Variants in MGAT4C observed in about 807,000 individuals in gnomAD.
MGAT4C encodes alpha-1,3-mannosyl-glycoprotein 4-beta-N-acetylglucosaminyltransferase C.
Under a neutral mutation model 40.1 loss-of-function variants are expected in MGAT4C, and 19 were observed. The ratio of observed to expected loss-of-function variants is 0.47; its 90% CI spans 0.33 to 0.70. The LOEUF is 0.70. MGAT4C is among the 30% of genes least tolerant of loss of function. The pLI, the probability that MGAT4C is intolerant of heterozygous loss-of-function variation, is 0.02. For missense variants in MGAT4C, 491 were observed against 563.2 expected (o/e 0.87, Z 1.30); for synonymous variants, 181 against 187.1 (o/e 0.97, Z 0.27).
chr12:86,181,983 T>C (rs1888180812), intron 1 of MGAT4C, among the ~76,000 whole-genome samples: 1 of 152,150 alleles, frequency 6.6e-6, no homozygotes, highest in Non-Finnish European at 1.5e-5. Context: ...TTAGAATATT[T>C]TTTAAATGCT....
At chr12:86,411,080 T>C (rs1017904708) in intron 3 of MGAT4C, among the ~76,000 whole-genome samples, 1 of 152,168 alleles carries the variant, frequency 6.6e-6, no homozygotes, top group Admixed American at 6.5e-5. Context: ...ACTTCTTTTA[T>C]TTATAAATTA....
At chr12:86,104,269 A>G (rs1159242224) in intron 1 of MGAT4C, among the ~76,000 whole-genome samples, 2 of 151,914 alleles carry the variant, frequency 1.3e-5, no homozygotes, top group South Asian at 2.1e-4. Flanking sequence ...TTAAAAAAAA[A>G]AAAAAAGAAA....
intron 2 of MGAT4C, among the ~76,000 whole-genome samples, chr12:85,993,874 C>A (rs113837649): frequency 6.6e-6 from 1 of 152,164 alleles, no homozygotes; most frequent in Non-Finnish European, 1.5e-5. Context: ...GTCTAGACAG[C>A]AGGAGGAGGC....
intron 2 of MGAT4C, among the ~76,000 whole-genome samples, chr12:86,677,211 A>T (rs1326461072): frequency 6.6e-6 from 1 of 152,180 alleles, no homozygotes. Flanking sequence ...TTCCTGAATT[A>T]AGTAAAATGT....
chr12:86,537,897 G>A (rs1305095091), intron 2 of MGAT4C, among the ~76,000 whole-genome samples: 1 of 152,030 alleles, frequency 6.6e-6, no homozygotes, highest in Non-Finnish European at 1.5e-5. Flanking sequence ...GACCAGGCTG[G>A]CCAACATGGC....
Position 86,832,072 on chromosome 12 carries a change from C to G in MGAT4C, c.-262+6594G>C, listed in dbSNP as rs1406555980. Among the ~76,000 whole-genome samples, 31 of 151,712 alleles carry G rather than the reference C, an allele frequency of 2.0e-4. No individual in the cohort carries two copies. In the Admixed American group the frequency reaches 2.0e-3, roughly 10 times the overall value. ...ATTCAAATTTGGCAATAAAATATAA[C>G]TCAGTTCTACAAAAAATACTGTAGG... is the stretch of plus-strand genomic sequence containing the variant. On this transcript the variant is annotated intron_variant, in intron 1 of 7. Coordinates refer to the MGAT4C transcript ENST00000548651.
chr12:86,388,675 GTTTTTTTTT>G (rs752469980), intron 3 of MGAT4C, among the ~76,000 whole-genome samples: 1 of 98,752 alleles, frequency 1.0e-5, no homozygotes, highest in East Asian at 3.1e-4. Context: ...AGCGTTTTTT[GTTTTTTTTT>G]TTTTTTTTTT....
intron 2 of MGAT4C, among the ~76,000 whole-genome samples, chr12:86,555,725 A>G (rs1279682114): frequency 6.6e-6 from 1 of 152,224 alleles, no homozygotes; most frequent in East Asian, 1.9e-4. Context: ...TGCTTAATGC[A>G]GAGCGCCCTT....
chr12:86,679,067 G>T (rs367808596), intron 2 of MGAT4C, among the ~76,000 whole-genome samples: 5,550 of 151,334 alleles, frequency 0.037, 141 homozygotes, highest in Non-Finnish European at 0.045. Context: ...GTGTTCCTAT[G>T]TCTCCACATC....
intron 1 of MGAT4C, among the ~76,000 whole-genome samples, chr12:86,767,624 A>G (rs551123994): frequency 6.6e-6 from 1 of 152,338 alleles, no homozygotes; most frequent in Admixed American, 6.5e-5. Flanking sequence ...TCTATAAAAT[A>G]CTGGCAAACC....
At chr12:86,513,277 A>G (rs901111662) in intron 2 of MGAT4C, among the ~76,000 whole-genome samples, 1 of 152,172 alleles carries the variant, frequency 6.6e-6, no homozygotes, top group Non-Finnish European at 1.5e-5. Context: ...AGCAACAAAT[A>G]GTTACTATCC....
upstream of MGAT4C, among the ~76,000 whole-genome samples, chr12:86,259,648 A>G (rs960302652): frequency 2.7e-5 from 4 of 149,314 alleles, no homozygotes; most frequent in African/African-American, 9.9e-5. Flanking sequence ...CATTCCTCCA[A>G]CTAAAATGGC....
intron 2 of MGAT4C, among the ~76,000 whole-genome samples, chr12:86,450,316 T>C (rs190128368): frequency 6.6e-6 from 1 of 152,284 alleles, no homozygotes; most frequent in African/African-American, 2.4e-5. Flanking sequence ...ATAGATTTGT[T>C]AGTGAAGTGC....
intron 1 of MGAT4C, among the ~76,000 whole-genome samples, chr12:86,109,163 C>T (rs569890466): frequency 9.9e-5 from 15 of 152,014 alleles, no homozygotes; most frequent in Non-Finnish European, 1.9e-4. Context: ...ATCAAATATC[C>T]TTCAAAAAAT....
chr12:86,431,854 C>T (rs1957045660), intron 3 of MGAT4C, among the ~76,000 whole-genome samples: 1 of 152,102 alleles, frequency 6.6e-6, no homozygotes, highest in Admixed American at 6.6e-5. Context: ...TCAAGGAATG[C>T]ACCCAACTAT....
chr12:86,665,622 C>T (rs961226244), intron 2 of MGAT4C, among the ~76,000 whole-genome samples: 5 of 152,120 alleles, frequency 3.3e-5, no homozygotes, highest in African/African-American at 4.8e-5. Context: ...CCACCCACCT[C>T]GGCCTCCCAA....
intron 1 of MGAT4C, among the ~76,000 whole-genome samples, chr12:86,092,508 G>A (rs1227062043): frequency 1.3e-5 from 2 of 151,912 alleles, no homozygotes; most frequent in African/African-American, 2.4e-5. Context: ...AAAAAAAGAC[G>A]CTAAAATATT....
intron 2 of MGAT4C, among the ~76,000 whole-genome samples, chr12:86,575,529 A>C (rs1170739441): frequency 1.3e-5 from 2 of 151,918 alleles, no homozygotes; most frequent in African/African-American, 4.8e-5. Context: ...ATGTTGTTGC[A>C]AATGATTGGA....
intron 1 of MGAT4C, among the ~76,000 whole-genome samples, chr12:86,115,272 AG>A (rs1204440280): frequency 2.0e-5 from 3 of 152,014 alleles, no homozygotes; most frequent in Non-Finnish European, 4.4e-5. Context: ...TGGATAAAAA[AG>A]GTTCACTGAG....
Sources: gnomAD v4.1 joint callset for allele counts (sites outside exome capture counted in the v4.1 genomes callset) on GRCh38, gnomAD v4.1.1 for gene constraint, MANE v1.5 for transcripts, NCBI Gene and HGNC (gene_info 2026-07-23, HGNC 2026-07-21) for gene names.